The following CACHD1 variants were observed in gnomAD, a reference collection of about 807,000 sequenced individuals.
The protein encoded by CACHD1 is cache domain containing 1, also known as VWFA and cache domain-containing protein 1.
Under a neutral mutation model 138.7 loss-of-function variants are expected in CACHD1, and 71 were observed. That is an observed-to-expected ratio of 0.51 (90% CI 0.42 to 0.62). The LOEUF (loss-of-function observed/expected upper bound fraction) is 0.62. Among genes scored for constraint, CACHD1 ranks in the 20% least tolerant of loss-of-function variants. The probability of loss-of-function intolerance (pLI) is 0.00; values close to 1 mark genes in which losing one functional copy is unlikely to be tolerated. For missense variants in CACHD1, 1,389 were observed against 1,625.3 expected (o/e 0.85, Z 2.50); for synonymous variants, 578 against 591.5 (o/e 0.98, Z 0.33).
At chr1:64,495,368 T>C (rs61784552) in intron 1 of CACHD1, among the ~76,000 whole-genome samples, 2,661 of 152,340 alleles carry the variant, frequency 0.017, 29 homozygotes, top group Non-Finnish European at 0.027. Context: ...GTCTATGCTA[T>C]ATTCTGGAAT....
chr1:64,577,000 G>A (rs1336290652), intron 2 of CACHD1, among the ~76,000 whole-genome samples: 3 of 151,906 alleles, frequency 2.0e-5, no homozygotes, highest in African/African-American at 7.3e-5. Context: ...GTGGAGTGCA[G>A]TGGCACGATC....
intron 5 of CACHD1, among the ~76,000 whole-genome samples, chr1:64,631,763 C>T (rs1648311949): frequency 6.6e-6 from 1 of 152,130 alleles, no homozygotes; most frequent in Non-Finnish European, 1.5e-5. Context: ...TGGCTGCCCC[C>T]AACCCCCTTT....
intron 8 of CACHD1, among the ~76,000 whole-genome samples, chr1:64,644,167 G>A (rs554170444): frequency 8.5e-5 from 13 of 152,316 alleles, no homozygotes; most frequent in African/African-American, 2.4e-4. Context: ...GCCTGGGCAC[G>A]TGCCCATCAG....
intron 17 of CACHD1, among the ~76,000 whole-genome samples, 174 bp from the exon 18 acceptor site, chr1:64,672,984 A>G (rs745635214): frequency 2.0e-5 from 3 of 151,900 alleles, no homozygotes; most frequent in African/African-American, 4.8e-5. Flanking sequence ...CTCAAAAATC[A>G]TGTACCTGTC....
intron 2 of CACHD1, among the ~76,000 whole-genome samples, chr1:64,577,018 A>G (rs1203956472): frequency 3.3e-5 from 5 of 151,926 alleles, no homozygotes; most frequent in African/African-American, 9.7e-5. Flanking sequence ...ATCAAGGCTC[A>G]CTGCAGCCGC....
chr1:64,564,561 C>A (rs1334705881), intron 2 of CACHD1, among the ~76,000 whole-genome samples: 1 of 152,120 alleles, frequency 6.6e-6, no homozygotes, highest in East Asian at 1.9e-4. Context: ...ATTTGTAACC[C>A]AGCCAAGGAA....
Position 64,641,875 on chromosome 1 carries a change from G to C in CACHD1, c.1062G>C (p.Ser354=), listed in dbSNP as rs34740157. 6.3e-7 allele frequency: 1 copy of C among 1,587,660 alleles called. No homozygotes were observed. The highest frequency in any genetic ancestry group is 8.6e-7 in the Non-Finnish European group (1 of 1,166,686). Residue 354 remains serine (S), a synonymous_variant, in exon 8 of 27, where the codon TCG becomes TCC. Transcript: ENST00000651257. ...CTGGCATTACATCAAAGGACTCTTCGGAAGAAGATAAAAAAGCGACTCTCC... is the reference window on the plus strand; with the variant it reads ...CTGGCATTACATCAAAGGACTCTTCCGAAGAAGATAAAAAAGCGACTCTCC... The part of the protein sequence containing the change: ...LSAGITSKDS[S]EEDKKATLQV...
chr1:64,490,545 C>A (rs1646269225), intron 1 of CACHD1, among the ~76,000 whole-genome samples: 1 of 152,238 alleles, frequency 6.6e-6, no homozygotes, highest in African/African-American at 2.4e-5. Context: ...TGATGAGTTT[C>A]TGTCTTCTCA....
intron 1 of CACHD1, among the ~76,000 whole-genome samples, chr1:64,484,011 T>G (rs974163039): frequency 6.6e-6 from 1 of 152,088 alleles, no homozygotes; most frequent in African/African-American, 2.4e-5. Flanking sequence ...TCCCTTGCCC[T>G]TCCTCATTGT....
intron 1 of CACHD1, among the ~76,000 whole-genome samples, chr1:64,498,334 C>G (rs1451520004): frequency 6.6e-6 from 1 of 152,186 alleles, no homozygotes; most frequent in Non-Finnish European, 1.5e-5. Flanking sequence ...TACTTATTCT[C>G]TTTATTTTTT....
At position 64,646,671 on chromosome 1, in the gene CACHD1, G is replaced by C. The variant is rs138609150; in HGVS notation, c.1157-1130G>C. ...CGCTTGAACCCAGGAGGTGGAGGTTGCAGTGAGCCAAGATTGCACCACTGC... is the reference window on the plus strand; with the variant it reads ...CGCTTGAACCCAGGAGGTGGAGGTTCCAGTGAGCCAAGATTGCACCACTGC... On this transcript the variant is annotated intron_variant, in intron 8 of 26. Transcript: ENST00000651257. 3.6e-3 allele frequency among the ~76,000 whole-genome samples: 549 copies of C among 152,292 alleles called. 9 individuals are homozygous for C. The highest frequency in any genetic ancestry group is 0.02 in the Admixed American group (310 of 15,300).
At chr1:64,652,826 G>T (rs1649138982) in intron 10 of CACHD1, among the ~76,000 whole-genome samples, 1 of 152,182 alleles carries the variant, frequency 6.6e-6, no homozygotes, top group South Asian at 2.1e-4. Context: ...ATTGTGGAAA[G>T]CAGTGTGATG....
chr1:64,688,051 A>G (rs898219404), intron 26 of CACHD1, among the ~76,000 whole-genome samples: 2 of 151,888 alleles, frequency 1.3e-5, no homozygotes, highest in African/African-American at 2.4e-5. Context: ...AAAGCTTCCC[A>G]GAGAAGACTT....
intron 19 of CACHD1, among the ~76,000 whole-genome samples, chr1:64,674,570 T>C (rs1183109725): frequency 2.0e-5 from 3 of 152,192 alleles, no homozygotes; most frequent in South Asian, 2.1e-4. Context: ...TTACTGCTTA[T>C]GTTCTAGAGG....
chr1:64,513,737 G>C (rs1436833112), intron 1 of CACHD1, among the ~76,000 whole-genome samples: 1 of 152,206 alleles, frequency 6.6e-6, no homozygotes, highest in Non-Finnish European at 1.5e-5. Flanking sequence ...CTGTGACACA[G>C]CTGGAGATGG....
chr1:64,498,236 A>T (rs962955809), intron 1 of CACHD1, among the ~76,000 whole-genome samples: 1 of 152,240 alleles, frequency 6.6e-6, no homozygotes. Flanking sequence ...TAGGGGACTC[A>T]CAACAGCATA....
intron 2 of CACHD1, among the ~76,000 whole-genome samples, chr1:64,571,120 G>A (rs1557498994): frequency 6.6e-6 from 1 of 152,152 alleles, no homozygotes; most frequent in Non-Finnish European, 1.5e-5. Flanking sequence ...AGAAGAGAAA[G>A]TGCTCCTGCC....
chr1:64,589,010 T>G (rs770545200), intron 3 of CACHD1, among the ~76,000 whole-genome samples: 12 of 152,176 alleles, frequency 7.9e-5, no homozygotes, highest in Non-Finnish European at 1.6e-4. Context: ...GGAGTTAGAG[T>G]AAGTAAGCAA....
At position 64,591,246 on chromosome 1, in the gene CACHD1, A is replaced by G. The variant is rs528794261; in HGVS notation, c.410+8942A>G. ...TAAAGGCTTGTGGAATGGTTTATGG[A>G]AGAAACATTTCAGCTGGGTATTTAA... is the stretch of plus-strand genomic sequence containing the variant. On this transcript the variant is annotated intron_variant, in intron 3 of 26. Coordinates refer to ENST00000651257, the MANE Select transcript of CACHD1 (RefSeq NM_020925.4). 2.9e-4 allele frequency among the ~76,000 whole-genome samples: 44 copies of G among 152,314 alleles called. No homozygotes were observed. In the East Asian group the frequency reaches 7.7e-3, roughly 27 times the overall value.
Sources: allele counts gnomAD v4.1 joint callset (sites outside exome capture counted in the v4.1 genomes callset), GRCh38; gene constraint gnomAD v4.1.1; transcripts MANE v1.5; gene names NCBI Gene and HGNC (gene_info 2026-07-23, HGNC 2026-07-21).